ROBO2: variants seen among roughly 807,000 people sequenced by gnomAD.
ROBO2 encodes the protein roundabout homolog 2.
Under a neutral mutation model 160.8 loss-of-function variants are expected in ROBO2, and 53 were observed. The ratio of observed to expected loss-of-function variants is 0.33; its 90% confidence interval spans 0.26 to 0.41. ROBO2 has a LOEUF of 0.41. Ranked by LOEUF, ROBO2 falls within the 10% of genes least tolerant of loss-of-function variation. The pLI, the probability that ROBO2 is intolerant of heterozygous loss-of-function variation, is 1.00. For synonymous variants in ROBO2, 664 were observed against 611.7 expected (o/e 1.09, Z -1.26); for missense variants, 1,577 against 1,722.4 (o/e 0.92, Z 1.49).
At chr3:76,794,427 A>G (rs1420269918) in intron 2 of ROBO2, among the ~76,000 whole-genome samples, 3 of 151,998 alleles carry the variant, frequency 2.0e-5, no homozygotes, top group East Asian at 3.9e-4. Context: ...GTTATTAAAC[A>G]TTCATAGGAT....
At chr3:77,100,121 A>G (rs1282448308) in intron 2 of ROBO2, among the ~76,000 whole-genome samples, 1 of 152,178 alleles carries the variant, frequency 6.6e-6, no homozygotes. Context: ...CGTCATTAAT[A>G]ATGAATCAAA....
intron 2 of ROBO2, among the ~76,000 whole-genome samples, chr3:76,201,898 A>T (rs1355186559): frequency 6.6e-6 from 1 of 151,582 alleles, no homozygotes; most frequent in East Asian, 1.9e-4. Context: ...TCAAAAAAAA[A>T]AAAAAAAAAA....
At chr3:76,940,225 G>A (rs1426739098) in intron 2 of ROBO2, among the ~76,000 whole-genome samples, 1 of 152,088 alleles carries the variant, frequency 6.6e-6, no homozygotes, top group Non-Finnish European at 1.5e-5. Flanking sequence ...CTCGTGATCC[G>A]CCTGCCTCGG....
intron 2 of ROBO2, among the ~76,000 whole-genome samples, chr3:76,389,021 TA>T (rs1165601608): frequency 1.3e-5 from 2 of 152,128 alleles, no homozygotes; most frequent in African/African-American, 4.8e-5. Context: ...AAACTACACT[TA>T]AAAAAACTAT....
chr3:77,259,635 T>C (rs1002476546), intron 2 of ROBO2, among the ~76,000 whole-genome samples: 1 of 152,200 alleles, frequency 6.6e-6, no homozygotes, highest in African/African-American at 2.4e-5. Flanking sequence ...CTGCTGTTCT[T>C]AGACAAATAA....
intron 2 of ROBO2, among the ~76,000 whole-genome samples, chr3:76,531,517 T>A (rs1327642420): frequency 2.0e-5 from 3 of 151,914 alleles, no homozygotes; most frequent in Admixed American, 6.6e-5. Flanking sequence ...TTTTTAAATA[T>A]GACATAAAAC....
At chr3:77,543,538 C>CA (rs1371661128) in intron 6 of ROBO2, among the ~76,000 whole-genome samples, 5 of 151,662 alleles carry the variant, frequency 3.3e-5, no homozygotes, top group East Asian at 3.9e-4. Context: ...CACTCATCTA[C>CA]AAAAAAAATG....
chr3:77,522,916 G>A lies in ROBO2; in HGVS notation c.934+14G>A, dbSNP rs775501939. On this transcript the variant is annotated intron_variant, in intron 6 of 25. Transcript: ENST00000461745. ...TCACCGTCCGAGGTAAGAGATTTAA[G>A]ATGTCAAAGATAATTGAACCAGGAG... The A allele has an allele frequency of 5.0e-6, 8 of 1,608,404 alleles. No homozygotes were observed. The highest frequency in any genetic ancestry group is 6.0e-6 in the Non-Finnish European group (7 of 1,176,058).
At chr3:77,314,587 T>C (rs1217836011) in intron 2 of ROBO2, among the ~76,000 whole-genome samples, 2 of 152,216 alleles carry the variant, frequency 1.3e-5, no homozygotes. Flanking sequence ...CTCCAAGACT[T>C]ACAGTTTCTG....
At chr3:77,500,782 C>T (rs148843908) in intron 5 of ROBO2, among the ~76,000 whole-genome samples, 6 of 152,292 alleles carry the variant, frequency 3.9e-5, no homozygotes, top group Admixed American at 1.3e-4. Context: ...CTAATTGCCA[C>T]CTACGGTGGG....
intron 2 of ROBO2, among the ~76,000 whole-genome samples, chr3:77,440,891 G>A (rs147833785): frequency 9.7e-4 from 147 of 152,124 alleles, no homozygotes; most frequent in African/African-American, 3.5e-3. Context: ...GGGAGGAGAG[G>A]ATATGTCACT....
At chr3:77,593,943 G>C (rs2094240168) in intron 17 of ROBO2, among the ~76,000 whole-genome samples, 1 of 151,986 alleles carries the variant, frequency 6.6e-6, no homozygotes, top group African/African-American at 2.4e-5. Flanking sequence ...CCAAAGATAG[G>C]GTTTATTGGG....
At chr3:77,641,648 A>C (rs2095352790) in intron 24 of ROBO2, among the ~76,000 whole-genome samples, 1 of 152,140 alleles carries the variant, frequency 6.6e-6, no homozygotes, top group South Asian at 2.1e-4. Flanking sequence ...CAATATTCTA[A>C]GGATGAACAA....
chr3:77,562,744 G>A lies in ROBO2; in HGVS notation c.1519+12G>A. On this transcript the variant is annotated intron_variant, in intron 10 of 25. Transcript: ENST00000461745. ...GCTGGATGTGACAGGTGAGGACTTT[G>A]TGAATTAGGAGAAATCTTGGGCCCC... The A allele has an allele frequency of 6.3e-7, 1 of 1,597,940 alleles. No individual in the cohort carries two copies. Among genetic ancestry groups the A allele is most frequent in the Non-Finnish European group, 8.6e-7 (1 of 1,165,878 alleles).
At chr3:76,872,518 A>G (rs2072221810) in intron 2 of ROBO2, among the ~76,000 whole-genome samples, 1 of 151,974 alleles carries the variant, frequency 6.6e-6, no homozygotes. Flanking sequence ...CAAGAAATAT[A>G]TTATTTAAAT....
chr3:77,157,146 T>A (rs1028558604), intron 2 of ROBO2, among the ~76,000 whole-genome samples: 1 of 152,056 alleles, frequency 6.6e-6, no homozygotes, highest in African/African-American at 2.4e-5. Context: ...CCACTGATTA[T>A]ATGTCTATAG....
At chr3:77,367,488 A>G (rs1560637876) in intron 2 of ROBO2, among the ~76,000 whole-genome samples, 1 of 152,122 alleles carries the variant, frequency 6.6e-6, no homozygotes, top group African/African-American at 2.4e-5. Context: ...AATGGATCAT[A>G]ACCGGACTCG....
At chr3:77,112,616 G>A (rs1256674841) in intron 2 of ROBO2, among the ~76,000 whole-genome samples, 1 of 152,084 alleles carries the variant, frequency 6.6e-6, no homozygotes, top group Non-Finnish European at 1.5e-5. Context: ...TGTTCCAGGA[G>A]CATTAAAGAC....
At chr3:77,415,026 G>A (rs1042618703) in intron 2 of ROBO2, among the ~76,000 whole-genome samples, 3 of 152,122 alleles carry the variant, frequency 2.0e-5, no homozygotes, top group Admixed American at 6.5e-5. Flanking sequence ...GATATTTTGA[G>A]GACTGCTCAC....
Sources: gnomAD v4.1 joint callset for allele counts (sites outside exome capture counted in the v4.1 genomes callset) on GRCh38, gnomAD v4.1.1 for gene constraint, MANE v1.5 for transcripts, NCBI Gene and HGNC (gene_info 2026-07-23, HGNC 2026-07-21) for gene names.